The following AK8 variants were observed in gnomAD, a reference collection of about 807,000 sequenced individuals.
AK8 encodes ATP-AMP transphosphorylase 8.
Under a neutral mutation model 54.6 loss-of-function variants are expected in AK8, and 44 were observed. That is an observed-to-expected ratio of 0.81 (90% CI 0.63 to 1.04). The LOEUF is 1.04. AK8 is among the 50% of genes least tolerant of loss of function. The probability of loss-of-function intolerance (pLI) is 0.00; values close to 1 mark genes in which losing one functional copy is unlikely to be tolerated. For synonymous variants in AK8, 239 were observed against 245.6 expected, an observed-to-expected ratio of 0.97 and a Z score of 0.25; for missense variants, 555 against 613.6, an observed-to-expected ratio of 0.90 and a Z score of 1.01.
intron 11 of AK8, among the ~76,000 whole-genome samples, chr9:132,789,426 G>A (rs1441078012): frequency 2.6e-5 from 4 of 151,414 alleles, no homozygotes; most frequent in South Asian, 2.1e-4. Flanking sequence ...GGTAAAACCC[G>A]TCTCTAATAA....
At chr9:132,852,626 T>G (rs1588214296) in intron 5 of AK8, among the ~76,000 whole-genome samples, 1 of 139,690 alleles carries the variant, frequency 7.2e-6, no homozygotes, top group Non-Finnish European at 1.6e-5. Flanking sequence ...AAAAAAAAAT[T>G]AGGCACGGTG....
chr9:132,787,931 G>A (rs930667096), intron 11 of AK8, among the ~76,000 whole-genome samples: 4 of 152,008 alleles, frequency 2.6e-5, no homozygotes, highest in Non-Finnish European at 4.4e-5. Flanking sequence ...GAAAGCCAAG[G>A]GGAATTCCTC....
At chr9:132,858,266 C>T (rs757148293) in intron 4 of AK8, among the ~76,000 whole-genome samples, 6 of 152,262 alleles carry the variant, frequency 3.9e-5, no homozygotes, top group Non-Finnish European at 8.8e-5. Flanking sequence ...GGCAGACTCG[C>T]TGATCTCCTA....
At chr9:132,807,382 C>T (rs896395534) in intron 10 of AK8, among the ~76,000 whole-genome samples, 3 of 152,220 alleles carry the variant, frequency 2.0e-5, no homozygotes, top group Admixed American at 6.5e-5. Context: ...CAGCATGTTC[C>T]GAGTGCGCTG....
At chr9:132,825,999 T>C (rs2131300335) in intron 8 of AK8, among the ~76,000 whole-genome samples, 1 of 152,282 alleles carries the variant, frequency 6.6e-6, no homozygotes, top group Middle Eastern at 3.4e-3. Flanking sequence ...TGTTTGGGGA[T>C]AGAATTATTC....
At position 132,770,594 on chromosome 9, in the gene AK8, G is replaced by C. The variant is rs372379102; in HGVS notation, c.1121+22040C>G. 6.6e-6 allele frequency among the ~76,000 whole-genome samples: 1 copy of C among 152,320 alleles called. No homozygotes were observed. Among genetic ancestry groups the C allele is most frequent in the East Asian group, 1.9e-4 (1 of 5,172 alleles). On this transcript the variant is annotated intron_variant, in intron 11 of 12. Coordinates refer to ENST00000298545, the MANE Select transcript of AK8 (RefSeq NM_152572.3). The surrounding 1 kb of genome is among the most constrained non-coding windows in gnomAD (Gnocchi z 4.3). ...AGGGTCAGTGGTGACTTCCGGGATT[G>C]AATTGGCTGGGAAGCCGGTCCCATT...
intron 5 of AK8, among the ~76,000 whole-genome samples, chr9:132,828,958 ATTT>A (rs759306917): frequency 7.0e-6 from 1 of 142,888 alleles, no homozygotes; most frequent in Non-Finnish European, 1.5e-5. Flanking sequence ...TTACATCTTG[ATTT>A]TTTTTTTTTT....
intron 11 of AK8, among the ~76,000 whole-genome samples, chr9:132,745,450 A>G (rs2130992770): frequency 6.6e-6 from 1 of 152,280 alleles, no homozygotes; most frequent in African/African-American, 2.4e-5. Flanking sequence ...AATGTGGAGA[A>G]GGCGGGCCAA....
intron 12 of AK8, 64 bp downstream of exon 12, chr9:132,727,390 C>T (rs1836625846): frequency 4.8e-6 from 7 of 1,454,722 alleles, no homozygotes; most frequent in Non-Finnish European, 6.8e-6. Context: ...TGGCATTGGT[C>T]AGTCAGTTGG....
chr9:132,862,175 C>T (rs1843414797), intron 4 of AK8, among the ~76,000 whole-genome samples: 1 of 152,216 alleles, frequency 6.6e-6, no homozygotes, highest in African/African-American at 2.4e-5. Context: ...TGAAGCCACA[C>T]AGTCCAACTC....
intron 10 of AK8, among the ~76,000 whole-genome samples, chr9:132,795,728 CG>C (rs950459859): frequency 6.6e-6 from 1 of 152,088 alleles, no homozygotes; most frequent in African/African-American, 2.4e-5. Context: ...CACGCTGTCT[CG>C]GGGAGACAAA....
intron 10 of AK8, among the ~76,000 whole-genome samples, chr9:132,797,405 T>C (rs1840224696): frequency 6.6e-6 from 1 of 152,194 alleles, no homozygotes; most frequent in Non-Finnish European, 1.5e-5. Flanking sequence ...TTAAGGACTT[T>C]TCTCACCAAG....
At chr9:132,737,311 G>A (rs1837168144) in intron 11 of AK8, among the ~76,000 whole-genome samples, 1 of 152,120 alleles carries the variant, frequency 6.6e-6, no homozygotes, top group African/African-American at 2.4e-5. Flanking sequence ...CCATATGACA[G>A]TATTAATTCT....
chr9:132,858,927 A>G (rs1016747112), intron 4 of AK8, among the ~76,000 whole-genome samples: 1 of 152,216 alleles, frequency 6.6e-6, no homozygotes, highest in Non-Finnish European at 1.5e-5. Context: ...AAATTTTCAC[A>G]GGAGTGACGG....
chr9:132,822,923 C>A (rs1841706176), intron 9 of AK8, among the ~76,000 whole-genome samples: 1 of 152,130 alleles, frequency 6.6e-6, no homozygotes, highest in African/African-American at 2.4e-5. Context: ...AAACCCCCCG[C>A]TCCAAAGGAT....
intron 5 of AK8, among the ~76,000 whole-genome samples, chr9:132,848,712 G>C (rs1480616537): frequency 6.6e-6 from 1 of 152,244 alleles, no homozygotes; most frequent in Middle Eastern, 3.4e-3. Context: ...TGCTAGAAGT[G>C]GGGGGTGCTG....
At chr9:132,855,855 GCC>G (rs1843154254) in intron 4 of AK8, among the ~76,000 whole-genome samples, 1 of 152,086 alleles carries the variant, frequency 6.6e-6, no homozygotes, top group East Asian at 1.9e-4. Context: ...TCGCCCTCTT[GCC>G]CCCTTCTGCC....
At chr9:132,874,266 A>C (rs1198074232) in intron 2 of AK8, 1 of 152,200 alleles carries the variant, frequency 6.6e-6, no homozygotes, top group African/African-American at 2.4e-5. Flanking sequence ...ATGCGTCAGG[A>C]CTTGCATGTG....
At position 132,839,827 on chromosome 9, in the gene AK8, G is replaced by A. The variant is rs113108553; in HGVS notation, c.403-11101C>T. ...AGAAAACATTTTTTTTGCCGGGGGG[G>A]GGGGCGCAGGGACGGAGCCTTGCTC... is the stretch of plus-strand genomic sequence containing the variant. On this transcript the variant is annotated intron_variant, in intron 5 of 12. Transcript: ENST00000298545. Among the ~76,000 whole-genome samples the A allele has an allele frequency of 8.8e-4, 130 of 147,588 alleles. 3 individuals carry two copies. Among genetic ancestry groups the A allele is most frequent in the African/African-American group, 3.0e-3 (118 of 39,370 alleles).
Sources: gnomAD v4.1 joint callset for allele counts (sites outside exome capture counted in the v4.1 genomes callset) on GRCh38, gnomAD v4.1.1 for gene constraint, Gnocchi (gnomAD v3.1) non-coding constraint, MANE v1.5 for transcripts, NCBI Gene and HGNC (gene_info 2026-07-23, HGNC 2026-07-21) for gene names.